Variants in SYNE1 observed in about 807,000 individuals in gnomAD.
The protein encoded by SYNE1 is spectrin repeat containing nuclear envelope protein 1.
A neutral mutation model predicts 1,111.0 loss-of-function variants in SYNE1; 616 were observed. The observed-to-expected ratio is 0.55, with a 90% CI of 0.52 to 0.59. The LOEUF is 0.59. Among genes scored for constraint, SYNE1 ranks in the 20% least tolerant of loss-of-function variants. The pLI, the probability that SYNE1 is intolerant of heterozygous loss-of-function variation, is 0.00. For synonymous variants in SYNE1, 3,855 were observed against 3,825.8 expected, an observed-to-expected ratio of 1.01 and a Z score of -0.28; for missense variants, 10,006 against 10,417.0, an observed-to-expected ratio of 0.96 and a Z score of 1.72.
chr6:152,144,085 C>A, intron 137 of SYNE1: 1 of 392,710 alleles, frequency 2.5e-6, no homozygotes, highest in Non-Finnish European at 4.8e-6. Flanking sequence ...GTGTGGAAGG[C>A]CTTTCTAAAA....
At chr6:152,418,384 T>C in intron 40 of SYNE1, among the ~76,000 whole-genome samples, 1 of 152,344 alleles carries the variant, frequency 6.6e-6, no homozygotes, top group Non-Finnish European at 1.5e-5. Context: ...AACTATCTCC[T>C]GTCCTGAAGG....
At chr6:152,548,796 C>A (rs574449371) in intron 3 of SYNE1, among the ~76,000 whole-genome samples, 144 of 152,274 alleles carry the variant, frequency 9.5e-4, no homozygotes, top group African/African-American at 2.3e-3. Context: ...TGACTTTGTC[C>A]TTCCCATCCA....
At chr6:152,384,997 T>C (rs2097502368) in intron 55 of SYNE1, among the ~76,000 whole-genome samples, 1 of 152,232 alleles carries the variant, frequency 6.6e-6, no homozygotes, top group Non-Finnish European at 1.5e-5. Flanking sequence ...TTTAAATTCC[T>C]GGCCACAATT....
intron 53 of SYNE1, among the ~76,000 whole-genome samples, chr6:152,388,112 A>T (rs565933098): frequency 8.5e-4 from 130 of 152,320 alleles, no homozygotes; most frequent in South Asian, 2.1e-3. Context: ...TGAAATTAAA[A>T]TCCTGTGGTA....
chr6:152,217,395 C>CA (rs926437470), intron 121 of SYNE1, among the ~76,000 whole-genome samples: 565 of 41,156 alleles, frequency 0.014, 2 homozygotes, highest in Middle Eastern at 0.04. Flanking sequence ...GACTCCGTCA[C>CA]AAAAAAAAAA....
chr6:152,504,502 ATAAT>A (rs2099047279), intron 9 of SYNE1, among the ~76,000 whole-genome samples: 1 of 152,192 alleles, frequency 6.6e-6, no homozygotes, highest in Non-Finnish European at 1.5e-5. Context: ...GAGGGGAAAA[ATAAT>A]TTGCTTTCAC....
intron 11 of SYNE1, among the ~76,000 whole-genome samples, chr6:152,497,418 A>G (rs894612999): frequency 1.3e-5 from 2 of 152,192 alleles, no homozygotes; most frequent in Admixed American, 6.5e-5. Flanking sequence ...CATTGATACC[A>G]CATTCTTATG....
chr6:152,605,022 GA>G (rs2099609621), intron 3 of SYNE1, among the ~76,000 whole-genome samples: 2 of 71,038 alleles, frequency 2.8e-5, no homozygotes, highest in African/African-American at 6.4e-5. Context: ...GAGAGAGAGA[GA>G]GAGAGAGAGA....
chr6:152,260,834 C>T (rs2091883859), intron 101 of SYNE1, among the ~76,000 whole-genome samples: 1 of 152,046 alleles, frequency 6.6e-6, no homozygotes, highest in Admixed American at 6.5e-5. Context: ...TTCCTATGAG[C>T]ATCTAGTGCT....
At chr6:152,340,643 C>A (rs529051829) in intron 74 of SYNE1, among the ~76,000 whole-genome samples, 8 of 152,314 alleles carry the variant, frequency 5.3e-5, no homozygotes, top group Admixed American at 1.3e-4. Context: ...GTAAAGCAGA[C>A]TCTGTCTTAT....
At chr6:152,191,062 G>A (rs779060893) in intron 127 of SYNE1, among the ~76,000 whole-genome samples, 2 of 152,172 alleles carry the variant, frequency 1.3e-5, no homozygotes, top group Non-Finnish European at 2.9e-5. Flanking sequence ...CTGTTGATCT[G>A]ATGTACACAT....
chr6:152,368,714 G>T, intron 61 of SYNE1: 1 of 489,684 alleles, frequency 2.0e-6, no homozygotes, highest in Non-Finnish European at 3.7e-6. Context: ...AATATCTTGT[G>T]CAATAATGAA....
intron 40 of SYNE1, 22 bp from the exon 41 acceptor site, chr6:152,417,037 T>C (rs745870945): frequency 1.4e-5 from 23 of 1,612,930 alleles, no homozygotes; most frequent in Middle Eastern, 1.6e-4. Context: ...GAGAGAGTTA[T>C]TGATTCCTGA....
In SYNE1 at chr6:152,487,639, C is replaced by T. The variant is rs368012294; in HGVS notation, c.1047+757G>A. On this transcript the variant is annotated intron_variant, in intron 12 of 145. Coordinates refer to ENST00000367255, the MANE Select transcript of SYNE1 (RefSeq NM_182961.4). The stretch of plus-strand genomic sequence containing the variant: ...TGCAATGGTGTTGGACTAGGCAGGT[C>T]GCAGTCGAAACTGATCCCTTTAATG... Among the ~76,000 whole-genome samples the T allele has an allele frequency of 1.7e-3, 266 of 152,220 alleles. 1 individual carries two copies. The highest frequency in any genetic ancestry group is 6.1e-3 in the African/African-American group (252 of 41,544).
Position 152,381,328 on chromosome 6 carries a change from C to T in SYNE1, c.8687G>A (p.Arg2896His), listed in dbSNP as rs145390592. 87 of 1,613,990 alleles carry T rather than the reference C, an allele frequency of 5.4e-5. No homozygotes were observed. The highest frequency in any genetic ancestry group is 1.6e-4 in the Middle Eastern group (1 of 6,062). ...AGCCAGCGACTCCACTCTGCTGAGA[C>T]GGCTTGCACCAATCTCTCTGGAATC... is the stretch of plus-strand genomic sequence containing the variant. ...LIDSREIGAS[R>H]LSRVESLAPE... Residue 2896 changes from arginine to histidine, a missense_variant, in exon 56 of 146, where the codon CGT becomes CAT. Physicochemically the swap from Arg to His is conservative, Grantham distance 29. Transcript: ENST00000367255.
intron 22 of SYNE1, among the ~76,000 whole-genome samples, chr6:152,457,612 G>A (rs1375497077): frequency 6.6e-6 from 1 of 152,094 alleles, no homozygotes; most frequent in Non-Finnish European, 1.5e-5. Flanking sequence ...TTTCAAGGTT[G>A]TTTAAACTGT....
chr6:152,603,789 T>C (rs2128676915), intron 3 of SYNE1, among the ~76,000 whole-genome samples: 1 of 125,490 alleles, frequency 8.0e-6, no homozygotes. Flanking sequence ...TCTCTCTATT[T>C]ATTTTATATA....
At chr6:152,245,943 G>A (rs1328837045) in intron 105 of SYNE1, among the ~76,000 whole-genome samples, 1 of 152,182 alleles carries the variant, frequency 6.6e-6, no homozygotes, top group African/African-American at 2.4e-5. Context: ...GAAAGCAAGG[G>A]ATGAAATAAC....
At chr6:152,204,991 T>C (rs933023998) in intron 126 of SYNE1, among the ~76,000 whole-genome samples, 2 of 152,186 alleles carry the variant, frequency 1.3e-5, no homozygotes, top group Non-Finnish European at 2.9e-5. Flanking sequence ...ACCTGGCATA[T>C]TACATTACTG....
Sources: gnomAD v4.1 joint callset for allele counts (sites outside exome capture counted in the v4.1 genomes callset) on GRCh38, gnomAD v4.1.1 for gene constraint, MANE v1.5 for transcripts, NCBI Gene and HGNC (gene_info 2026-07-23, HGNC 2026-07-21) for gene names.